The following TAGLN variants were observed in gnomAD, a reference collection of about 807,000 sequenced individuals.
The protein encoded by TAGLN is 22 kDa actin-binding protein.
Under a neutral mutation model 21.9 loss-of-function variants are expected in TAGLN, and 16 were observed. The ratio of observed to expected loss-of-function variants is 0.73; its 90% CI spans 0.49 to 1.11. The LOEUF (loss-of-function observed/expected upper bound fraction) is 1.11. TAGLN is among the 50% of genes least tolerant of loss of function. The pLI is 0.00. For missense variants in TAGLN, 248 were observed against 263.2 expected (o/e 0.94, Z 0.40); for synonymous variants, 96 against 94.9 (o/e 1.01, Z -0.06).
Position 117,203,199 on chromosome 11 carries a change from T to C in TAGLN, c.180+6T>C, listed in dbSNP as rs2031171402. ...TCTGGCTGAAGAATGGCGTGGTGAG[T>C]GGCACCCTGGGCTAGGGCGCTGGGG... On this transcript the variant is annotated splice_donor_region_variant and intron_variant, in intron 2 of 4. Coordinates refer to ENST00000392951, the MANE Select transcript of TAGLN (RefSeq NM_003186.5). The surrounding 1 kb of genome is among the most constrained non-coding windows in gnomAD (Gnocchi z 4.4). 4.4e-6 allele frequency: 7 copies of C among 1,588,922 alleles called. No homozygotes were observed. Among genetic ancestry groups the C allele is most frequent in the African/African-American group, 1.3e-5 (1 of 74,320 alleles).
In TAGLN at chr11:117,203,955, A is replaced by G. The variant is rs1296297653; in HGVS notation, c.461+71A>G. The G allele has an allele frequency of 5.8e-6, 8 of 1,386,278 alleles. No individual in the cohort carries two copies. The highest frequency in any genetic ancestry group is 1.4e-5 in the African/African-American group (1 of 70,180). 85.9% of individuals were successfully genotyped at this position (1,386,278 alleles called of 1,614,324 possible). ...TGGCTTGTTCTAAGGAGCTTGCGGG[A>G]AGGATTAGGGGAAGCAGATAGCCAA... On this transcript the variant is annotated intron_variant, in intron 4 of 4. Transcript: ENST00000392951. This position sits in a 1 kb window ranked among gnomAD's most constrained non-coding sequence, Gnocchi z 4.4.
intron 4 of TAGLN, 95 bp from the exon 5 acceptor site, chr11:117,204,120 C>T: frequency 6.4e-7 from 1 of 1,553,420 alleles, no homozygotes; most frequent in African/African-American, 1.4e-5. Context: ...AACAGGAAGG[C>T]AATGGGATTG....
rs2031222369 is a variant in TAGLN, at chr11:117,204,039, C to T, written c.461+155C>T. 5 of 1,086,722 alleles carry T rather than the reference C, an allele frequency of 4.6e-6. No individual in the cohort carries two copies. The Admixed American group carries it at 9.5e-5, about 21-fold the overall frequency. 67.3% of individuals were successfully genotyped at this position (1,086,722 alleles called of 1,614,324 possible). On this transcript the variant is annotated intron_variant, in intron 4 of 4. Transcript: ENST00000392951. ...AATGGGTCCTTAATACTCCTTGACCCCTCCCTTTCCACCCTCCTGCGCTCA... is the reference window on the plus strand; with the variant it reads ...AATGGGTCCTTAATACTCCTTGACCTCTCCCTTTCCACCCTCCTGCGCTCA...
rs1433651366 is a variant in TAGLN, at chr11:117,204,368, G to A, written c.*9G>A. On this transcript the variant is annotated 3_prime_UTR_variant, in exon 5 of 5. Transcript: ENST00000392951. The stretch of plus-strand genomic sequence containing the variant: ...GGCAGATCATCAGTTAGAGCGGAGA[G>A]GGCTAGCCCTGAGCCCGGCCCTCCC... 2.5e-6 allele frequency: 4 copies of A among 1,614,202 alleles called. No individual in the cohort carries two copies. In the South Asian group the frequency reaches 4.4e-5, roughly 18 times the overall value.
At position 117,204,071 on chromosome 11, in the gene TAGLN, C is replaced by G. The variant is rs866416189; in HGVS notation, c.462-144C>G. Reference sequence around the variant, plus strand: ...TTCCACCCTCCTGCGCTCAGTCTCCCTAGCCTATGAGGCAAGCTAGATTAG... The same window carrying G: ...TTCCACCCTCCTGCGCTCAGTCTCCGTAGCCTATGAGGCAAGCTAGATTAG... On this transcript the variant is annotated intron_variant, in intron 4 of 4. Transcript: ENST00000392951. 6 of 1,308,606 alleles carry G rather than the reference C, an allele frequency of 4.6e-6. No individual in the cohort carries two copies. In the Middle Eastern group the frequency reaches 5.9e-4, roughly 128 times the overall value. 81.1% of individuals were successfully genotyped at this position (1,308,606 alleles called of 1,614,324 possible).
rs763780588 is a variant in TAGLN at position 117,202,979 on chromosome 11, T to TC, written c.-12-21dup. ...TGCTCCCTGACCCTCTGCCCCTCCC[T>TC]CCTCCACCCTGGCCTGCTTTAGCTT... On this transcript the variant is annotated intron_variant, in intron 1 of 4. Coordinates refer to ENST00000392951, the MANE Select transcript of TAGLN (RefSeq NM_003186.5). 2.2e-5 allele frequency: 34 copies of TC among 1,525,866 alleles called. No homozygotes were observed. In the South Asian group the frequency reaches 4.2e-4, roughly 19 times the overall value. 94.5% of individuals were successfully genotyped at this position (1,525,866 alleles called of 1,614,324 possible).
chr11:117,202,193 C>T (rs181959675), intron 1 of TAGLN: 1 of 152,370 alleles, frequency 6.6e-6, no homozygotes, highest in East Asian at 1.9e-4. Flanking sequence ...GGTAGCCTTA[C>T]GAGAGCGTAA....
Position 117,204,692 on chromosome 11 carries a change from G to A in TAGLN, c.*333G>A, listed in dbSNP as rs2031264405. On this transcript the variant is annotated 3_prime_UTR_variant, in exon 5 of 5. Coordinates refer to ENST00000392951, the MANE Select transcript of TAGLN (RefSeq NM_003186.5). ...TCCACTGTCCTCCTTGGCGGCAAAA[G>A]CCCATTGAAGAAGAACCAGCCCAGC... The A allele has an allele frequency of 2.6e-6, 1 of 382,178 alleles. No individual in the cohort carries two copies. The highest frequency in any genetic ancestry group is 2.1e-5 in the African/African-American group (1 of 47,778). The allele number at this position is 382,178 out of a possible 1,614,324, so 23.7% of individuals were successfully genotyped here.
In TAGLN at chr11:117,205,312, G is replaced by A. The variant is rs966664187; in HGVS notation, c.*953G>A. 1.3e-5 allele frequency: 3 copies of A among 233,620 alleles called. No individual in the cohort carries two copies. Among genetic ancestry groups the A allele is most frequent in the African/African-American group, 6.6e-5 (3 of 45,370 alleles). The allele number at this position is 233,620 out of a possible 1,614,324, so 14.5% of individuals were successfully genotyped here. A position where few individuals can be genotyped will look rare whatever the true frequency, so the allele number is the denominator to read the frequency against. On this transcript the variant is annotated 3_prime_UTR_variant, in exon 5 of 5. Transcript: ENST00000392951. ...AAGACAGGGTGGTGGCAGGACTGGA[G>A]TGGCAGTGGCTCCCAAGGCTCTCTC...
rs745707933 is a variant in TAGLN at position 117,203,825 on chromosome 11, C to A, written c.402C>A (p.Gly134=). The stretch of plus-strand genomic sequence containing the variant: ...TGCAGAGGACCCTGATGGCTTTGGG[C>A]AGCTTGGCAGTGACCAAGAATGATG... ...AAVQRTLMAL[G]SLAVTKNDGH... The change falls in exon 4 of 5, where the codon GGC becomes GGA. Residue 134 remains glycine (G), a synonymous_variant. Transcript: ENST00000392951. The surrounding 1 kb of genome is among the most constrained non-coding windows in gnomAD (Gnocchi z 4.4). The A allele has an allele frequency of 3.7e-6, 6 of 1,614,000 alleles. No individual in the cohort carries two copies. The highest frequency in any genetic ancestry group is 5.1e-6 in the Non-Finnish European group (6 of 1,179,932).
intron 1 of TAGLN, among the ~76,000 whole-genome samples, chr11:117,200,544 GC>G (rs755714423): frequency 7.4e-4 from 112 of 152,260 alleles, no homozygotes; most frequent in Middle Eastern, 6.8e-3. Flanking sequence ...CTCCCCACTG[GC>G]TCGAAGGCAG....
chr11:117,200,025 G>C (rs982130913), intron 1 of TAGLN, among the ~76,000 whole-genome samples: 1 of 151,678 alleles, frequency 6.6e-6, no homozygotes, highest in African/African-American at 2.4e-5. Context: ...GACAGTGGGA[G>C]GTCACCCCCA....
chr11:117,199,704 CG>C (rs1591776088), intron 1 of TAGLN: 1 of 152,512 alleles, frequency 6.6e-6, no homozygotes, highest in Non-Finnish European at 1.5e-5. Flanking sequence ...TGGAAACCAC[CG>C]GGGTGAGAGG....
chr11:117,203,024 A>T lies in TAGLN; in HGVS notation c.11A>T (p.Lys4Met). Residue 4 changes from lysine (K) to methionine (M), a missense_variant, in exon 2 of 5, where the codon AAG becomes ATG. Transcript: ENST00000392951. This position sits in a 1 kb window ranked among gnomAD's most constrained non-coding sequence, Gnocchi z 4.4. ...TAGCTTTCCCCAGACATGGCCAACA[A>T]GGGTCCTTCCTATGGCATGAGCCGC... is the stretch of plus-strand genomic sequence containing the variant. MANKGPSYGMSREV... is the reference protein window; with the variant it reads MANMGPSYGMSREV... 3 of 1,565,612 alleles carry T rather than the reference A, an allele frequency of 1.9e-6. No individual in the cohort carries two copies. The highest frequency in any genetic ancestry group is 2.6e-6 in the Non-Finnish European group (3 of 1,155,670).
At position 117,203,650 on chromosome 11, in the gene TAGLN, G is replaced by A; in HGVS notation, c.359-132G>A. 8.0e-7 allele frequency: 1 copy of A among 1,243,924 alleles called. No homozygotes were observed. The highest frequency in any genetic ancestry group is 2.4e-5 in the East Asian group (1 of 40,884). 77.1% of individuals were successfully genotyped at this position (1,243,924 alleles called of 1,614,324 possible). A position where few individuals can be genotyped will look rare whatever the true frequency, so the allele number is the denominator to read the frequency against. On this transcript the variant is annotated intron_variant, in intron 3 of 4. Transcript: ENST00000392951. The surrounding 1 kb of genome is among the most constrained non-coding windows in gnomAD (Gnocchi z 4.4). ...CCACGCTCACAGGGCCCACTGAGAG[G>A]CCTCCCTTGAATTGGGGACAACTCT...
At chr11:117,200,081 G>A (rs1591776505) in intron 1 of TAGLN, among the ~76,000 whole-genome samples, 3 of 152,134 alleles carry the variant, frequency 2.0e-5, no homozygotes, top group Admixed American at 2.0e-4. Context: ...GAGGAGCTTT[G>A]GAGTGATAGG....
chr11:117,200,123 A>T (rs1443452428), intron 1 of TAGLN: 2 of 152,150 alleles, frequency 1.3e-5, no homozygotes, highest in East Asian at 3.9e-4. Context: ...GGTCTTTCCC[A>T]AAGGGTGGTT....
rs1238185430 is a variant in TAGLN, at chr11:117,205,531, G to C, written c.*1172G>C. 1 of 235,308 alleles carries C rather than the reference G, an allele frequency of 4.2e-6. No homozygotes were observed. Among genetic ancestry groups the C allele is most frequent in the Non-Finnish European group, 8.4e-6 (1 of 119,408 alleles). 14.6% of individuals were successfully genotyped at this position (235,308 alleles called of 1,614,324 possible). A position where few individuals can be genotyped will look rare whatever the true frequency, so the allele number is the denominator to read the frequency against. ...GGCATCTTGGGAATGGATAATGGAG[G>C]CAGCCGCTTTCAGGACAGGCATGTC... is the stretch of plus-strand genomic sequence containing the variant. On this transcript the variant is annotated 3_prime_UTR_variant, in exon 5 of 5. Coordinates refer to ENST00000392951, the MANE Select transcript of TAGLN (RefSeq NM_003186.5).
At position 117,199,392 on chromosome 11, in the gene TAGLN, C is replaced by T. The variant is rs2030992530; in HGVS notation, c.-53C>T. 6.6e-6 allele frequency: 1 copy of T among 152,344 alleles called. No homozygotes were observed. The highest frequency in any genetic ancestry group is 2.4e-5 in the African/African-American group (1 of 41,462). The allele number at this position is 152,344 out of a possible 1,614,324, so 9.4% of individuals were successfully genotyped here. Reference sequence around the variant, plus strand: ...CCCATCCTGTCTGTCCGAACCCAGACACAAGTCTTCACTCCTTCCTGCGAG... The same window carrying T: ...CCCATCCTGTCTGTCCGAACCCAGATACAAGTCTTCACTCCTTCCTGCGAG... On this transcript the variant is annotated 5_prime_UTR_variant, in exon 1 of 5. Coordinates refer to ENST00000392951, the MANE Select transcript of TAGLN (RefSeq NM_003186.5).
Sources: gnomAD v4.1 joint callset for allele counts (sites outside exome capture counted in the v4.1 genomes callset) on GRCh38, gnomAD v4.1.1 for gene constraint, Gnocchi (gnomAD v3.1) non-coding constraint, MANE v1.5 for transcripts, NCBI Gene and HGNC (gene_info 2026-07-23, HGNC 2026-07-21) for gene names.